DEFB119: variants seen among roughly 807,000 people sequenced by gnomAD.
DEFB119 encodes beta-defensin 119.
DEFB119 carries 3 observed loss-of-function variants against 2.5 expected under a neutral mutation model. That is an observed-to-expected ratio of 1.19 (90% confidence interval 0.54 to 3.07). The LOEUF is 3.07. Among genes scored for constraint, DEFB119 ranks in the 30% most tolerant of loss-of-function variants. The pLI, the probability that DEFB119 is intolerant of heterozygous loss-of-function variation, is 0.03. For missense variants in DEFB119, 113 were observed against 101.1 expected (o/e 1.12, Z -0.50); for synonymous variants, 29 against 33.7 (o/e 0.86, Z 0.48).
intron 1 of DEFB119, among the ~76,000 whole-genome samples, chr20:31,381,811 A>G (rs76336761): frequency 8.1e-6 from 1 of 124,076 alleles, no homozygotes; most frequent in Non-Finnish European, 1.5e-5. Flanking sequence ...ACACTGTCTC[A>G]AAAAAAAAAA....
At chr20:31,382,152 T>C (rs1273898047) in intron 1 of DEFB119, among the ~76,000 whole-genome samples, 1 of 152,204 alleles carries the variant, frequency 6.6e-6, no homozygotes, top group Non-Finnish European at 1.5e-5. Flanking sequence ...ATTACAGTTA[T>C]ATAAAATCTA....
intron 1 of DEFB119, among the ~76,000 whole-genome samples, chr20:31,382,893 C>T (rs1367242240): frequency 2.0e-5 from 3 of 152,200 alleles, no homozygotes; most frequent in South Asian, 2.1e-4. Context: ...CAAATAATTA[C>T]ACAATAACAT....
rs765696203 is a variant in DEFB119, at chr20:31,385,287, T to C, written c.61+5136A>G. ...TTGTTCCTTTCTCATAGAATGCCCA[T>C]ATCAAGTGATAATCCAATGTCTGCC... On this transcript the variant is annotated intron_variant, in intron 1 of 1. Transcript: ENST00000376321. 2.0e-5 allele frequency among the ~76,000 whole-genome samples: 3 copies of C among 150,556 alleles called. No homozygotes were observed. The South Asian group carries it at 6.3e-4, about 31-fold the overall frequency.
intron 1 of DEFB119, among the ~76,000 whole-genome samples, chr20:31,383,962 G>A (rs139919860): frequency 5.3e-5 from 8 of 152,254 alleles, no homozygotes; most frequent in African/African-American, 1.9e-4. Context: ...TTGCTTCTCT[G>A]CCTTCTGCCA....
At chr20:31,387,059 G>A (rs552558167) in intron 1 of DEFB119, among the ~76,000 whole-genome samples, 2 of 152,034 alleles carry the variant, frequency 1.3e-5, no homozygotes, top group South Asian at 2.1e-4. Context: ...CACCTGCCTC[G>A]GCCTCCCAAA....
chr20:31,387,463 T>C (rs1284910513), intron 1 of DEFB119, among the ~76,000 whole-genome samples: 1 of 152,172 alleles, frequency 6.6e-6, no homozygotes, highest in East Asian at 1.9e-4. Flanking sequence ...AAAATATATC[T>C]ATCCTCATTT....
At chr20:31,389,232 T>G (rs1475833425) in intron 1 of DEFB119, 10 of 1,614,100 alleles carry the variant, frequency 6.2e-6, no homozygotes, top group Non-Finnish European at 8.5e-6. Flanking sequence ...AACACTCTAC[T>G]TTGGGGCATA....
intron 1 of DEFB119, chr20:31,389,032 T>C: frequency 1.2e-6 from 2 of 1,614,126 alleles, no homozygotes; most frequent in East Asian, 2.2e-5. Flanking sequence ...TTTCTATCTA[T>C]TAGTTATATT....
Position 31,377,370 on chromosome 20 carries a change from T to C in DEFB119, c.131A>G (p.Gln44Arg). Residue 44 changes from glutamine to arginine, a missense_variant, in exon 2 of 2, where the codon CAG (glutamine) becomes CGG (arginine). Gln to Arg is a conservative substitution (Grantham distance 43, BLOSUM62 1). Coordinates refer to ENST00000376321, the MANE Select transcript of DEFB119 (RefSeq NM_153289.4). ...ACAATTTCTGCAATAGAGGTAGGGC[T>C]GTTCGTTCTTTTTGCAAGAGGCCCT... ...ICRASCKKNE[Q>R]PYLYCRNCQS... 1 of 1,614,104 alleles carries C rather than the reference T, an allele frequency of 6.2e-7. No individual in the cohort carries two copies.
Position 31,377,335 on chromosome 20 carries a change from A to G in DEFB119, c.166T>C (p.Cys56Arg). Reference protein sequence around the residue: ...YLYCRNCQSCCLQSYMRISIS... With the variant: ...YLYCRNCQSCRLQSYMRISIS... ...CTTATCCTCATGTAGGACTGGAGGC[A>G]GCAGGACTGACAATTTCTGCAATAG... The change falls in exon 2 of 2, where the codon TGC becomes CGC. Residue 56 changes from cysteine (C) to arginine (R), a missense_variant. By Grantham distance (180) the Cys-to-Arg change is radical. Transcript: ENST00000376321. The G allele has an allele frequency of 6.2e-7, 1 of 1,614,222 alleles. No individual in the cohort carries two copies. Among genetic ancestry groups the G allele is most frequent in the East Asian group, 2.2e-5 (1 of 44,892 alleles).
intron 1 of DEFB119, among the ~76,000 whole-genome samples, chr20:31,383,489 G>T (rs564890441): frequency 7.0e-6 from 1 of 143,444 alleles, no homozygotes; most frequent in African/African-American, 2.6e-5. Context: ...AGCCAAGACC[G>T]TGCCACTGCA....
At chr20:31,390,129 G>GAAGGCCTCAAC (rs1245707228) in intron 1 of DEFB119, among the ~76,000 whole-genome samples, 1 of 151,598 alleles carries the variant, frequency 6.6e-6, no homozygotes, top group Non-Finnish European at 1.5e-5. Context: ...CTAGTCTCCC[G>GAAGGCCTCAAC]AAGTCCTCAA....
chr20:31,388,049 A>G (rs1290839818), intron 1 of DEFB119: 4 of 985,396 alleles, frequency 4.1e-6, no homozygotes, highest in Non-Finnish European at 3.6e-6. Flanking sequence ...GACGCAGTTC[A>G]GGGTGAAAAA....
chr20:31,380,093 C>G (rs1986452851), intron 1 of DEFB119, among the ~76,000 whole-genome samples: 1 of 152,184 alleles, frequency 6.6e-6, no homozygotes, highest in Non-Finnish European at 1.5e-5. Flanking sequence ...GGGTGTTTCA[C>G]AGAGTGAAAG....
chr20:31,390,380 C>T lies in DEFB119; in HGVS notation c.61+43G>A, dbSNP rs201108071. Reference sequence around the variant, plus strand: ...TGAGAGGGAAGGGAAAGACGGGAAGCCCATGACCAGGAACCCAGACCCCCG... The same window carrying T: ...TGAGAGGGAAGGGAAAGACGGGAAGTCCATGACCAGGAACCCAGACCCCCG... On this transcript the variant is annotated intron_variant, in intron 1 of 1. Transcript: ENST00000376321. 143 of 1,573,730 alleles carry T rather than the reference C, an allele frequency of 9.1e-5. 1 individual carries two copies. The highest frequency in any genetic ancestry group is 1.7e-4 in the Middle Eastern group (1 of 6,000).
intron 1 of DEFB119, among the ~76,000 whole-genome samples, chr20:31,382,478 A>G (rs535830081): frequency 3.4e-4 from 52 of 152,196 alleles, no homozygotes; most frequent in Admixed American, 1.1e-3. Context: ...ATAGAAGGCA[A>G]TAAGGGACTG....
chr20:31,378,054 G>C (rs956527084), intron 1 of DEFB119, among the ~76,000 whole-genome samples: 3 of 152,170 alleles, frequency 2.0e-5, no homozygotes, highest in African/African-American at 7.2e-5. Flanking sequence ...GGGGAGCGGG[G>C]ACTATTATCA....
chr20:31,379,999 CCAGATACAAGTTCTTTGT>C (rs1986449792), intron 1 of DEFB119, among the ~76,000 whole-genome samples: 1 of 152,126 alleles, frequency 6.6e-6, no homozygotes, highest in South Asian at 2.1e-4. Flanking sequence ...TTTCTATGTT[CCAGATACAAGTTCTTTGT>C]CAGATATATG....
chr20:31,381,751 C>G (rs1986514208), intron 1 of DEFB119, among the ~76,000 whole-genome samples: 1 of 151,792 alleles, frequency 6.6e-6, no homozygotes, highest in Non-Finnish European at 1.5e-5. Context: ...GCAGAGGTTA[C>G]AGTGAGCTAA....
Sources: allele counts gnomAD v4.1 joint callset (sites outside exome capture counted in the v4.1 genomes callset), GRCh38; gene constraint gnomAD v4.1.1; transcripts MANE v1.5; gene names NCBI Gene and HGNC (gene_info 2026-07-23, HGNC 2026-07-21).